The following GMNN variants were observed in gnomAD, a reference collection of about 807,000 sequenced individuals.
The protein encoded by GMNN is geminin.
Under a neutral mutation model 20.9 loss-of-function variants are expected in GMNN, and 14 were observed. That is an observed-to-expected ratio of 0.67 (90% CI 0.44 to 1.05). GMNN has a LOEUF of 1.05. GMNN is among the 50% of genes least tolerant of loss of function. GMNN has a pLI of 0.00. For synonymous variants in GMNN, 81 were observed against 85.8 expected, an observed-to-expected ratio of 0.94 and a Z score of 0.31; for missense variants, 227 against 243.8, an observed-to-expected ratio of 0.93 and a Z score of 0.46.
intron 1 of GMNN, chr6:24,775,706 T>A (rs1780048122): frequency 6.6e-6 from 1 of 152,248 alleles, no homozygotes; most frequent in Non-Finnish European, 1.5e-5. Context: ...CCAGGGTTTT[T>A]AATCTAGCTA....
At chr6:24,779,953 T>A (rs1275157376) in intron 2 of GMNN, among the ~76,000 whole-genome samples, 1 of 152,186 alleles carries the variant, frequency 6.6e-6, no homozygotes, top group Non-Finnish European at 1.5e-5. Context: ...TGAGGGGGGA[T>A]GTCTATTACA....
At position 24,780,720 on chromosome 6, in the gene GMNN, CTT is replaced by C; in HGVS notation, c.110_111del (p.Leu37ArgfsTer6). ...GATTCAGCCTTCTGCATCTGGATCTCTTGTTGGAAGAGAAAATGAGGTATGCA... is the reference window on the plus strand; with the variant it reads ...GATTCAGCCTTCTGCATCTGGATCTCGTTGGAAGAGAAAATGAGGTATGCA... ...KMIQPSASGS[L>X]VGRENELSAG... is the part of the protein sequence containing the mutation. On this transcript the variant is annotated frameshift_variant, in exon 3 of 7. Transcript: ENST00000230056. LOFTEE classifies it high-confidence loss of function. 6.3e-7 allele frequency: 1 copy of C among 1,583,178 alleles called. No individual in the cohort carries two copies. The highest frequency in any genetic ancestry group is 8.7e-7 in the Non-Finnish European group (1 of 1,151,866).
Position 24,785,831 on chromosome 6 carries a change from A to G in GMNN, c.*32A>G, listed in dbSNP as rs769142409. 2.1e-6 allele frequency: 3 copies of G among 1,406,576 alleles called. No individual in the cohort carries two copies. The highest frequency in any genetic ancestry group is 3.0e-6 in the Non-Finnish European group (3 of 1,015,494). The allele number at this position is 1,406,576 out of a possible 1,614,324, so 87.1% of individuals were successfully genotyped here. ...TTAATATTTGACTGTTGAGAATTTT[A>G]CTGCCGAAGTTTACCTCCACTAGTT... On this transcript the variant is annotated 3_prime_UTR_variant, in exon 7 of 7. Coordinates refer to ENST00000230056, the MANE Select transcript of GMNN (RefSeq NM_015895.5).
At chr6:24,783,373 A>AT (rs1328143509) in intron 4 of GMNN, among the ~76,000 whole-genome samples, 1 of 152,208 alleles carries the variant, frequency 6.6e-6, no homozygotes, top group African/African-American at 2.4e-5. Context: ...AAGGAATTAC[A>AT]TAAGTGAAAA....
At chr6:24,777,801 TG>T (rs1780112965) in intron 2 of GMNN, 1 of 152,228 alleles carries the variant, frequency 6.6e-6, no homozygotes, top group Non-Finnish European at 1.5e-5. Context: ...GGATTTTCTA[TG>T]TATGAGATTA....
Position 24,781,602 on chromosome 6 carries a change from AT to A in GMNN, c.258del (p.Phe86LeufsTer4). The A allele has an allele frequency of 6.7e-7, 1 of 1,491,046 alleles. No individual in the cohort carries two copies. Among genetic ancestry groups the A allele is most frequent in the Non-Finnish European group, 9.1e-7 (1 of 1,098,968 alleles). The allele number at this position is 1,491,046 out of a possible 1,614,324, so 92.4% of individuals were successfully genotyped here. ...KNLGGVTQES[F>X]DLMIKENPSS... ...ATCTTGGAGGAGTCACCCAGGAGTCATTTGATCTTATGATTAAAGGTATGAA... is the reference window on the plus strand; with the variant it reads ...ATCTTGGAGGAGTCACCCAGGAGTCATTGATCTTATGATTAAAGGTATGAA... On this transcript the variant is annotated frameshift_variant, in exon 4 of 7. Coordinates refer to ENST00000230056, the MANE Select transcript of GMNN (RefSeq NM_015895.5). LOFTEE classifies it high-confidence loss of function.
At chr6:24,777,187 C>T (rs1026591784) in intron 1 of GMNN, 35 bp from the exon 2 acceptor site, 14 of 675,426 alleles carry the variant, frequency 2.1e-5, no homozygotes, top group African/African-American at 9.4e-5. Flanking sequence ...ACTCCACCTT[C>T]GGGGGTGCAA....
Position 24,785,820 on chromosome 6 carries a change from T to A in GMNN, c.*21T>A. The A allele has an allele frequency of 6.7e-7, 1 of 1,492,386 alleles. No individual in the cohort carries two copies. The highest frequency in any genetic ancestry group is 2.4e-5 in the East Asian group (1 of 42,378). The allele number at this position is 1,492,386 out of a possible 1,614,324, so 92.4% of individuals were successfully genotyped here. ...TATGAAATGCATTAATATTTGACTG[T>A]TGAGAATTTTACTGCCGAAGTTTAC... On this transcript the variant is annotated 3_prime_UTR_variant, in exon 7 of 7. Coordinates refer to ENST00000230056, the MANE Select transcript of GMNN (RefSeq NM_015895.5).
Position 24,785,828 on chromosome 6 carries a change from T to A in GMNN, c.*29T>A. ...GCATTAATATTTGACTGTTGAGAAT[T>A]TTACTGCCGAAGTTTACCTCCACTA... On this transcript the variant is annotated 3_prime_UTR_variant, in exon 7 of 7. Coordinates refer to ENST00000230056, the MANE Select transcript of GMNN (RefSeq NM_015895.5). The A allele has an allele frequency of 7.0e-7, 1 of 1,428,156 alleles. No homozygotes were observed. 88.5% of individuals were successfully genotyped at this position (1,428,156 alleles called of 1,614,324 possible). A position where few individuals can be genotyped will look rare whatever the true frequency, so the allele number is the denominator to read the frequency against.
At chr6:24,775,452 T>A (rs1780039818) in intron 1 of GMNN, 1 of 152,242 alleles carries the variant, frequency 6.6e-6, no homozygotes, top group Admixed American at 6.5e-5. Flanking sequence ...AGCCTGGCGC[T>A]GGGCCTCCGG....
chr6:24,779,981 G>A (rs1276654593), intron 2 of GMNN, among the ~76,000 whole-genome samples: 1 of 152,138 alleles, frequency 6.6e-6, no homozygotes, highest in African/African-American at 2.4e-5. Flanking sequence ...TTTGTTTTGT[G>A]TAAAGTATGT....
At position 24,777,268 on chromosome 6, in the gene GMNN, A is replaced by T; in HGVS notation, c.22A>T (p.Lys8Ter). 7.1e-7 allele frequency: 1 copy of T among 1,411,010 alleles called. No individual in the cohort carries two copies. The highest frequency in any genetic ancestry group is 9.8e-7 in the Non-Finnish European group (1 of 1,023,148). The allele number at this position is 1,411,010 out of a possible 1,614,324, so 87.4% of individuals were successfully genotyped here. A position where few individuals can be genotyped will look rare whatever the true frequency, so the allele number is the denominator to read the frequency against. The change falls in exon 2 of 7, where the codon AAA becomes TAA. Residue 8 changes from lysine to a stop codon, truncating the protein, a stop_gained. Coordinates refer to ENST00000230056, the MANE Select transcript of GMNN (RefSeq NM_015895.5). LOFTEE classifies it high-confidence loss of function. ...CATAATGAATCCCAGTATGAAGCAG[A>T]AACAAGAAGAAATCAAAGAGAATAT... MNPSMKQKQEEIKENIKN... is the reference protein window; with the variant it reads MNPSMKQ
At chr6:24,779,302 T>C (rs1780147887) in intron 2 of GMNN, among the ~76,000 whole-genome samples, 1 of 152,228 alleles carries the variant, frequency 6.6e-6, no homozygotes, top group African/African-American at 2.4e-5. Context: ...AATGTTACAT[T>C]GTTTTAGGCA....
At chr6:24,778,261 T>C (rs1290223545) in intron 2 of GMNN, among the ~76,000 whole-genome samples, 2 of 152,126 alleles carry the variant, frequency 1.3e-5, no homozygotes, top group Non-Finnish European at 2.9e-5. Context: ...TCCCAGCTAC[T>C]TGGGAGGCTG....
At position 24,785,960 on chromosome 6, in the gene GMNN, T is replaced by C. The variant is rs1477892455; in HGVS notation, c.*161T>C. On this transcript the variant is annotated 3_prime_UTR_variant, in exon 7 of 7. Coordinates refer to ENST00000230056, the MANE Select transcript of GMNN (RefSeq NM_015895.5). ...ATTAAAGTACAAATACTATGTATTT[T>C]TAATCTATGATGGTTTATGTGAATA... is the stretch of plus-strand genomic sequence containing the variant. 2 of 526,108 alleles carry C rather than the reference T, an allele frequency of 3.8e-6. No individual in the cohort carries two copies. Among genetic ancestry groups the C allele is most frequent in the African/African-American group, 4.0e-5 (2 of 49,656 alleles). The allele number at this position is 526,108 out of a possible 1,614,324, so 32.6% of individuals were successfully genotyped here. A position where few individuals can be genotyped will look rare whatever the true frequency, so the allele number is the denominator to read the frequency against.
In GMNN at chr6:24,785,634, A is replaced by G. The variant is rs753702835; in HGVS notation, c.469-4A>G. The stretch of plus-strand genomic sequence containing the variant: ...CAATAAATTATTGGTTTATTCTTTA[A>G]AAGAGACTGAATGGTGAACCTCTGG... On this transcript the variant is annotated splice_polypyrimidine_tract_variant and splice_region_variant and intron_variant, in intron 6 of 6. Coordinates refer to ENST00000230056, the MANE Select transcript of GMNN (RefSeq NM_015895.5). The G allele has an allele frequency of 7.0e-7, 1 of 1,432,884 alleles. No homozygotes were observed. Among genetic ancestry groups the G allele is most frequent in the East Asian group, 2.3e-5 (1 of 43,194 alleles). The allele number at this position is 1,432,884 out of a possible 1,614,324, so 88.8% of individuals were successfully genotyped here.
chr6:24,780,811 C>A, intron 3 of GMNN, 71 bp downstream of exon 3: 1 of 773,188 alleles, frequency 1.3e-6, no homozygotes, highest in South Asian at 1.5e-5. Flanking sequence ...CTACTATTTT[C>A]TTGGTCAGAA....
intron 2 of GMNN, chr6:24,777,608 G>A (rs1026643887): frequency 5.7e-6 from 1 of 175,148 alleles, no homozygotes; most frequent in African/African-American, 2.4e-5. Flanking sequence ...GAATGGAATT[G>A]TTTCCTTAAT....
intron 2 of GMNN, among the ~76,000 whole-genome samples, chr6:24,778,424 G>T (rs897194627): frequency 3.3e-5 from 5 of 152,146 alleles, no homozygotes; most frequent in Admixed American, 2.0e-4. Flanking sequence ...AATTGCTTGA[G>T]CCTAGGAGTT....
Sources: gnomAD v4.1 joint callset for allele counts (sites outside exome capture counted in the v4.1 genomes callset) on GRCh38, gnomAD v4.1.1 for gene constraint, MANE v1.5 for transcripts, NCBI Gene and HGNC (gene_info 2026-07-23, HGNC 2026-07-21) for gene names.